MACROD2: variants seen among roughly 807,000 people sequenced by gnomAD.
MACROD2 encodes mono-ADP ribosylhydrolase 2.
Under a neutral mutation model 70.4 loss-of-function variants are expected in MACROD2, and 36 were observed. The ratio of observed to expected loss-of-function variants is 0.51; its 90% CI spans 0.39 to 0.68. MACROD2 has a LOEUF of 0.68. Ranked by LOEUF, MACROD2 falls within the 30% of genes least tolerant of loss-of-function variation. The pLI is 0.00. For synonymous variants in MACROD2, 172 were observed against 178.8 expected (o/e 0.96, Z 0.30); for missense variants, 496 against 538.4 (o/e 0.92, Z 0.78).
At chr20:14,887,345 A>G (rs550427396) in intron 5 of MACROD2, among the ~76,000 whole-genome samples, 1 of 152,160 alleles carries the variant, frequency 6.6e-6, no homozygotes, top group African/African-American at 2.4e-5. Flanking sequence ...ACTTGAATAT[A>G]TTAGATAGAA....
intron 6 of MACROD2, among the ~76,000 whole-genome samples, chr20:15,412,526 T>G (rs1241559385): frequency 2.0e-5 from 3 of 152,204 alleles, no homozygotes; most frequent in Non-Finnish European, 2.9e-5. Flanking sequence ...CCATTTTGAT[T>G]AATTTATCCA....
At chr20:14,338,505 T>C (rs2122652885) in intron 3 of MACROD2, among the ~76,000 whole-genome samples, 1 of 152,356 alleles carries the variant, frequency 6.6e-6, no homozygotes, top group Non-Finnish European at 1.5e-5. Flanking sequence ...CTCTATGTTT[T>C]AGAAAATGAA....
At chr20:15,369,577 T>C (rs1354009336) in intron 6 of MACROD2, among the ~76,000 whole-genome samples, 1 of 152,196 alleles carries the variant, frequency 6.6e-6, no homozygotes, top group Non-Finnish European at 1.5e-5. Flanking sequence ...AATTCCTTAG[T>C]TCAAATGAGC....
intron 4 of MACROD2, among the ~76,000 whole-genome samples, chr20:14,635,949 G>A (rs893278543): frequency 6.6e-6 from 1 of 152,076 alleles, no homozygotes; most frequent in African/African-American, 2.4e-5. Context: ...AAAATTTTAG[G>A]AACATGTTTA....
intron 5 of MACROD2, among the ~76,000 whole-genome samples, chr20:14,833,166 T>A (rs1795797863): frequency 6.6e-6 from 1 of 152,174 alleles, no homozygotes; most frequent in South Asian, 2.1e-4. Context: ...TGGATTGCAC[T>A]GCACAGGTCC....
intron 6 of MACROD2, among the ~76,000 whole-genome samples, chr20:15,399,009 G>T (rs2045895975): frequency 6.6e-6 from 1 of 152,062 alleles, no homozygotes; most frequent in Admixed American, 6.5e-5. Context: ...GATAGGAAAA[G>T]CTGATATTTA....
chr20:14,691,841 A>G (rs1371804663), intron 5 of MACROD2, among the ~76,000 whole-genome samples: 1 of 152,140 alleles, frequency 6.6e-6, no homozygotes, highest in Non-Finnish European at 1.5e-5. Context: ...ACAAAGAGAA[A>G]AGCCGCTTTT....
At chr20:15,240,884 G>C (rs949745869) in intron 6 of MACROD2, among the ~76,000 whole-genome samples, 1 of 152,194 alleles carries the variant, frequency 6.6e-6, no homozygotes, top group African/African-American at 2.4e-5. Flanking sequence ...AAGACAGGAA[G>C]AGAGCCCTCA....
chr20:14,175,666 C>T (rs1334477812), intron 3 of MACROD2, among the ~76,000 whole-genome samples: 1 of 152,132 alleles, frequency 6.6e-6, no homozygotes, highest in African/African-American at 2.4e-5. Context: ...GTTAGGCTCT[C>T]ATAAATCACA....
intron 8 of MACROD2, among the ~76,000 whole-genome samples, chr20:15,815,229 G>A (rs779059404): frequency 6.6e-6 from 1 of 152,156 alleles, no homozygotes; most frequent in Non-Finnish European, 1.5e-5. Context: ...CACTCAAAGT[G>A]CAGCACGGTG....
At chr20:16,037,045 C>G (rs2067245999) in intron 15 of MACROD2, among the ~76,000 whole-genome samples, 2 of 151,884 alleles carry the variant, frequency 1.3e-5, no homozygotes, top group Admixed American at 1.3e-4. Context: ...GTTTTTTTCT[C>G]TCTGTTTCAT....
At chr20:15,879,417 A>G (rs1252468896) in intron 9 of MACROD2, among the ~76,000 whole-genome samples, 3 of 152,146 alleles carry the variant, frequency 2.0e-5, no homozygotes, top group Non-Finnish European at 4.4e-5. Flanking sequence ...AGCACATTAC[A>G]TAGAATAATG....
chr20:14,356,632 G>A (rs1433015381), intron 3 of MACROD2, among the ~76,000 whole-genome samples: 2 of 150,532 alleles, frequency 1.3e-5, no homozygotes, highest in Non-Finnish European at 2.9e-5. Flanking sequence ...AACCTCCCAA[G>A]TAGCTGGGAT....
intron 6 of MACROD2, among the ~76,000 whole-genome samples, chr20:15,427,675 C>G (rs942158735): frequency 6.6e-6 from 1 of 151,748 alleles, no homozygotes; most frequent in South Asian, 2.1e-4. Context: ...ACTGATGAGC[C>G]AAGGTGGCCA....
At chr20:15,128,015 A>C (rs1418910906) in intron 5 of MACROD2, among the ~76,000 whole-genome samples, 1 of 152,052 alleles carries the variant, frequency 6.6e-6, no homozygotes, top group African/African-American at 2.4e-5. Flanking sequence ...AAAGTATTAA[A>C]GTCTTTAGGA....
chr20:15,225,863 C>T (rs1019052439), intron 5 of MACROD2, among the ~76,000 whole-genome samples: 29 of 152,206 alleles, frequency 1.9e-4, no homozygotes, highest in African/African-American at 6.5e-4. Context: ...TGCATATGGG[C>T]GAGCATATTA....
intron 5 of MACROD2, among the ~76,000 whole-genome samples, chr20:15,181,582 G>A (rs1414809858): frequency 6.6e-6 from 1 of 152,104 alleles, no homozygotes; most frequent in Non-Finnish European, 1.5e-5. Flanking sequence ...CATATACTAT[G>A]TTATATAACC....
At position 15,918,807 on chromosome 20, in the gene MACROD2, G is replaced by A. The variant is rs1224694514; in HGVS notation, c.776-14469G>A. 2.6e-5 allele frequency among the ~76,000 whole-genome samples: 4 copies of A among 152,170 alleles called. No individual in the cohort carries two copies. The East Asian group carries it at 5.8e-4, about 22-fold the overall frequency. ...CATCGGACTGTTTCTGTCTACTGCT[G>A]CCTGCTACATCCACTGCCTCCTCAT... On this transcript the variant is annotated intron_variant, in intron 10 of 17. Coordinates refer to ENST00000684519, the MANE Select transcript of MACROD2 (RefSeq NM_001351661.2).
intron 6 of MACROD2, among the ~76,000 whole-genome samples, chr20:15,401,076 C>T (rs538085908): frequency 3.3e-5 from 5 of 151,362 alleles, no homozygotes; most frequent in African/African-American, 9.7e-5. Flanking sequence ...CTTGCTCTGT[C>T]GCCCAGGCTG....
Sources: gnomAD v4.1 joint callset for allele counts (sites outside exome capture counted in the v4.1 genomes callset) on GRCh38, gnomAD v4.1.1 for gene constraint, MANE v1.5 for transcripts, NCBI Gene and HGNC (gene_info 2026-07-23, HGNC 2026-07-21) for gene names.